Variants in UQCRC1 observed in about 807,000 individuals in gnomAD.
The protein encoded by UQCRC1 is ubiquinol-cytochrome c reductase core protein 1, also known as cytochrome b-c1 complex subunit 1, mitochondrial.
A neutral mutation model predicts 58.0 loss-of-function variants in UQCRC1; 34 were observed. The observed-to-expected ratio is 0.59, with a 90% CI of 0.45 to 0.78. The LOEUF (loss-of-function observed/expected upper bound fraction) is 0.78. UQCRC1 is among the 30% of genes least tolerant of loss of function. The pLI is 0.00. For missense variants in UQCRC1, 610 were observed against 646.0 expected, an observed-to-expected ratio of 0.94 and a Z score of 0.60; for synonymous variants, 276 against 248.8, an observed-to-expected ratio of 1.11 and a Z score of -1.03.
intron 2 of UQCRC1, among the ~76,000 whole-genome samples, chr3:48,606,866 CTTT>C (rs549239973): frequency 6.9e-6 from 1 of 145,828 alleles, no homozygotes; most frequent in African/African-American, 2.5e-5. Context: ...TTCCTAAGTA[CTTT>C]TTTTTTTTTT....
chr3:48,605,754 A>G lies in UQCRC1; in HGVS notation c.297+16T>C, dbSNP rs1364829379. 1 of 1,612,530 alleles carries G rather than the reference A, an allele frequency of 6.2e-7. No individual in the cohort carries two copies. Among genetic ancestry groups the G allele is most frequent in the African/African-American group, 1.3e-5 (1 of 74,836 alleles). On this transcript the variant is annotated intron_variant, in intron 3 of 12. Coordinates refer to ENST00000203407, the MANE Select transcript of UQCRC1 (RefSeq NM_003365.3). ...GCAGCCCTAAGCCCAGAGGAGACAG[A>G]CTTTAAGAGCCTCACCTTGAAAGCC... is the stretch of plus-strand genomic sequence containing the variant.
rs766001142 is a variant in UQCRC1, at chr3:48,609,288, C to A, written c.84G>T (p.Arg28=). 39 of 1,609,810 alleles carry A rather than the reference C, an allele frequency of 2.4e-5. No individual in the cohort carries two copies. The South Asian group carries it at 4.2e-4, about 17-fold the overall frequency. ...LRARRSPALL[R]TPALRSTATF... ...TTGCCGTACTCCGCAAGGCTGGCGT[C>A]CGCAGCAGGGCCGGCTGTGGAAGGG... The change falls in exon 2 of 13, where the codon CGG becomes CGT. Residue 28 remains arginine, a synonymous_variant. Transcript: ENST00000203407.
Position 48,604,340 on chromosome 3 carries a change from C to T in UQCRC1, c.519G>A (p.Gln173=), listed in dbSNP as rs1216696615. The change falls in exon 5 of 13, where the codon CAG becomes CAA. Residue 173 remains glutamine, a synonymous_variant. Coordinates refer to ENST00000203407, the MANE Select transcript of UQCRC1 (RefSeq NM_003365.3). The part of the protein sequence containing the change: ...KERDVILREM[Q]ENDASMRDVV... The stretch of plus-strand genomic sequence containing the variant: ...CATCTCGCATAGATGCATCATTCTC[C>T]TGCATCTCCCGCAGGATCACATCAC... The T allele has an allele frequency of 6.2e-7, 1 of 1,614,014 alleles. No homozygotes were observed. The highest frequency in any genetic ancestry group is 8.5e-7 in the Non-Finnish European group (1 of 1,179,992).
chr3:48,600,591 T>C, intron 9 of UQCRC1, 24 bp from the exon 10 acceptor site: 1 of 1,614,058 alleles, frequency 6.2e-7, no homozygotes, highest in Non-Finnish European at 8.5e-7. Flanking sequence ...GTGGGTGGTA[T>C]TCATTCTGAG....
intron 3 of UQCRC1, among the ~76,000 whole-genome samples, chr3:48,605,515 G>C (rs1325586047): frequency 1.3e-5 from 2 of 152,194 alleles, no homozygotes; most frequent in African/African-American, 4.8e-5. Context: ...TGTTCCACAG[G>C]CCTGGCTTCT....
intron 2 of UQCRC1, among the ~76,000 whole-genome samples, chr3:48,608,954 G>C (rs1460499292): frequency 6.6e-6 from 1 of 152,190 alleles, no homozygotes; most frequent in East Asian, 1.9e-4. Flanking sequence ...GGCATTATAT[G>C]CTAAATAATG....
intron 3 of UQCRC1, among the ~76,000 whole-genome samples, chr3:48,605,177 G>C (rs2046400036): frequency 6.6e-6 from 1 of 152,218 alleles, no homozygotes; most frequent in Non-Finnish European, 1.5e-5. Context: ...CCATTCCCAT[G>C]ACTGTATGTT....
rs1359683408 is a variant in UQCRC1, at chr3:48,603,614, T to C, written c.656A>G (p.Tyr219Cys). The change falls in exon 6 of 13, where the codon TAC (tyrosine) becomes TGC (cysteine). Residue 219 changes from tyrosine to cysteine, a missense_variant. By Grantham distance (194) the Tyr-to-Cys change is radical. Transcript: ENST00000203407. ...RKLSRADLTE[Y>C]LSTHYKAPRM... The stretch of plus-strand genomic sequence containing the variant: ...AGGGGCCTTGTAATGTGTGCTGAGG[T>C]ACTCGGTCAAGTCTGCACGAGACAG... 17 of 1,613,994 alleles carry C rather than the reference T, an allele frequency of 1.1e-5. No individual in the cohort carries two copies. Among genetic ancestry groups the C allele is most frequent in the Non-Finnish European group, 1.4e-5 (17 of 1,179,970 alleles).
Position 48,608,206 on chromosome 3 carries a change from G to A in UQCRC1, c.210+956C>T, listed in dbSNP as rs556041998. Among the ~76,000 whole-genome samples the A allele has an allele frequency of 1.1e-4, 17 of 152,262 alleles. 1 individual carries two copies. The highest frequency in any genetic ancestry group is 3.8e-4 in the African/African-American group (16 of 41,564). On this transcript the variant is annotated intron_variant, in intron 2 of 12. Coordinates refer to ENST00000203407, the MANE Select transcript of UQCRC1 (RefSeq NM_003365.3). Reference sequence around the variant, plus strand: ...TTCCACTCTCTACATCTGTATGTACGTATTTTTTAGCTCCCACTGATAAGT... The same window carrying A: ...TTCCACTCTCTACATCTGTATGTACATATTTTTTAGCTCCCACTGATAAGT...
Position 48,600,825 on chromosome 3 carries a change from G to A in UQCRC1, c.982C>T (p.Leu328=). The A allele has an allele frequency of 2.5e-6, 4 of 1,613,960 alleles. No individual in the cohort carries two copies. Among genetic ancestry groups the A allele is most frequent in the Non-Finnish European group, 3.4e-6 (4 of 1,180,018 alleles). The change falls in exon 9 of 13, where the codon CTG becomes TTG. Residue 328 remains leucine, a synonymous_variant. Coordinates refer to ENST00000203407, the MANE Select transcript of UQCRC1 (RefSeq NM_003365.3). ...YGGGVHLSSP[L]ASGAVANKLC... is the part of the protein sequence containing the mutation. Reference sequence around the variant, plus strand: ...TTGTTGGCCACAGCACCTGAAGCCAGTGGGCTGGACAGGTGCTGCCAGGGG... The same window carrying A: ...TTGTTGGCCACAGCACCTGAAGCCAATGGGCTGGACAGGTGCTGCCAGGGG...
At chr3:48,607,834 T>C (rs1005041280) in intron 2 of UQCRC1, among the ~76,000 whole-genome samples, 1 of 152,104 alleles carries the variant, frequency 6.6e-6, no homozygotes, top group Non-Finnish European at 1.5e-5. Flanking sequence ...AATTTCTTTT[T>C]TTTTTTTTGA....
intron 2 of UQCRC1, among the ~76,000 whole-genome samples, chr3:48,608,415 G>T (rs1335903502): frequency 2.6e-5 from 4 of 152,254 alleles, no homozygotes; most frequent in African/African-American, 9.6e-5. Flanking sequence ...CTGGAGCACA[G>T]ACAGCTCCTT....
rs1360675372 is a variant in UQCRC1 at position 48,603,593 on chromosome 3, G to A, written c.677C>T (p.Ala226Val). 1 of 1,613,866 alleles carries A rather than the reference G, an allele frequency of 6.2e-7. No homozygotes were observed. Among genetic ancestry groups the A allele is most frequent in the Non-Finnish European group, 8.5e-7 (1 of 1,179,994 alleles). The change falls in exon 6 of 13, where the codon GCC becomes GTC. Residue 226 changes from alanine (A) to valine (V), a missense_variant. Coordinates refer to ENST00000203407, the MANE Select transcript of UQCRC1 (RefSeq NM_003365.3). ...LTEYLSTHYK[A>V]PRMVLAAAGG... is the part of the protein sequence containing the mutation. ...AGCTGCTGCCAGCACCATTCGAGGGGCCTTGTAATGTGTGCTGAGGTACTC... is the reference window on the plus strand; with the variant it reads ...AGCTGCTGCCAGCACCATTCGAGGGACCTTGTAATGTGTGCTGAGGTACTC...
At position 48,601,010 on chromosome 3, in the gene UQCRC1, T is replaced by C; in HGVS notation, c.931A>G (p.Ile311Val). The C allele has an allele frequency of 6.2e-7, 1 of 1,608,010 alleles. No individual in the cohort carries two copies. The highest frequency in any genetic ancestry group is 8.5e-7 in the Non-Finnish European group (1 of 1,175,042). ...CCATAAGTGCAGTCATAGTGGCCGA[T>C]GATGGCATTGGCCACTTGCAAGGCC... ...NVALQVANAI[I>V]GHYDCTYGGG... Residue 311 changes from isoleucine (I) to valine (V), a missense_variant, in exon 8 of 13, where the codon ATC (isoleucine) becomes GTC (valine). By Grantham distance (29) the Ile-to-Val change is conservative. Transcript: ENST00000203407.
intron 6 of UQCRC1, 139 bp from the exon 7 acceptor site, chr3:48,601,606 G>T (rs2046367147): frequency 2.5e-6 from 2 of 787,600 alleles, no homozygotes; most frequent in South Asian, 3.4e-5. Context: ...ACAGGGTGAG[G>T]AAAGAAGGTC....
At chr3:48,600,917 C>G (rs1262697395) in intron 8 of UQCRC1, 58 bp downstream of exon 8, 2 of 1,607,040 alleles carry the variant, frequency 1.2e-6, no homozygotes, top group Admixed American at 3.3e-5. Flanking sequence ...CAGGAGCACA[C>G]AGCCCCAGCA....
In UQCRC1 at chr3:48,609,302, G is replaced by A. The variant is rs1402706093; in HGVS notation, c.70C>T (p.Pro24Ser). The A allele has an allele frequency of 6.2e-7, 1 of 1,607,104 alleles. No homozygotes were observed. Among genetic ancestry groups the A allele is most frequent in the East Asian group, 2.2e-5 (1 of 44,748 alleles). Reference sequence around the variant, plus strand: ...AAGGCTGGCGTCCGCAGCAGGGCCGGCTGTGGAAGGGAACAGCCGCGAGTG... The same window carrying A: ...AAGGCTGGCGTCCGCAGCAGGGCCGACTGTGGAAGGGAACAGCCGCGAGTG... ...AQVLLRARRS[P>S]ALLRTPALRS... The change falls in exon 2 of 13, where the codon CCG becomes TCG. Residue 24 changes from proline (P) to serine (S), a missense_variant and splice_region_variant. Transcript: ENST00000203407.
Position 48,601,033 on chromosome 3 carries a change from G to T in UQCRC1, c.908C>A (p.Ala303Asp), listed in dbSNP as rs769119055. ...GATGATGGCATTGGCCACTTGCAAG[G>T]CCACATTGTCCGGGCTGGCCCAGCC... is the stretch of plus-strand genomic sequence containing the variant. ...GPGWASPDNV[A>D]LQVANAIIGH... Residue 303 changes from alanine (A) to aspartate (D), a missense_variant, in exon 8 of 13, where the codon GCC becomes GAC. Transcript: ENST00000203407. 10 of 1,609,428 alleles carry T rather than the reference G, an allele frequency of 6.2e-6. No homozygotes were observed. The highest frequency in any genetic ancestry group is 8.5e-6 in the Non-Finnish European group (10 of 1,176,242).
Position 48,603,660 on chromosome 3 carries a change from C to A in UQCRC1, c.627-17G>T. On this transcript the variant is annotated splice_polypyrimidine_tract_variant and intron_variant, in intron 5 of 12. Transcript: ENST00000203407. ...GACAGCTTCCTACAAGACATATGGT[C>A]AGTGTGTCAACACCTCTACCACACT... 6.2e-7 allele frequency: 1 copy of A among 1,612,108 alleles called. No homozygotes were observed. Among genetic ancestry groups the A allele is most frequent in the South Asian group, 1.1e-5 (1 of 90,668 alleles).
Sources: gnomAD v4.1 joint callset for allele counts (sites outside exome capture counted in the v4.1 genomes callset) on GRCh38, gnomAD v4.1.1 for gene constraint, MANE v1.5 for transcripts, NCBI Gene and HGNC (gene_info 2026-07-23, HGNC 2026-07-21) for gene names.